Variants in CHRM3 observed in about 807,000 individuals in gnomAD.
CHRM3 encodes cholinergic receptor muscarinic 3.
A neutral mutation model predicts 41.8 loss-of-function variants in CHRM3; 11 were observed. That is an observed-to-expected ratio of 0.26 (90% CI 0.17 to 0.44). The LOEUF (loss-of-function observed/expected upper bound fraction) is 0.44, where lower values mean the gene tolerates loss of function less well. CHRM3 is among the 20% of genes least tolerant of loss of function. The probability of loss-of-function intolerance (pLI) is 1.00; values close to 1 mark genes in which losing one functional copy is unlikely to be tolerated. For missense variants in CHRM3, 571 were observed against 745.4 expected, an observed-to-expected ratio of 0.77 and a Z score of 2.72; for synonymous variants, 297 against 301.4, an observed-to-expected ratio of 0.99 and a Z score of 0.15.
chr1:239,692,928 A>G (rs1291599039), intron 5 of CHRM3, among the ~76,000 whole-genome samples: 1 of 152,170 alleles, frequency 6.6e-6, no homozygotes, highest in Non-Finnish European at 1.5e-5. Context: ...GCTTCAGTAC[A>G]TTCTGACCTT....
intron 5 of CHRM3, among the ~76,000 whole-genome samples, chr1:239,783,613 G>T (rs1265368112): frequency 3.9e-5 from 6 of 152,166 alleles, no homozygotes; most frequent in Admixed American, 2.6e-4. Context: ...GAAATGAACA[G>T]CTGAGAACTG....
At chr1:239,714,906 A>G (rs1331243166) in intron 5 of CHRM3, among the ~76,000 whole-genome samples, 1 of 152,138 alleles carries the variant, frequency 6.6e-6, no homozygotes, top group African/African-American at 2.4e-5. Flanking sequence ...ATGGCATTGC[A>G]TGGGATGAAG....
intron 1 of CHRM3, among the ~76,000 whole-genome samples, chr1:239,391,449 G>C (rs1659028500): frequency 6.6e-6 from 1 of 152,218 alleles, no homozygotes; most frequent in Non-Finnish European, 1.5e-5. Flanking sequence ...GCCTCTGTGT[G>C]TTGTTTTCTA....
chr1:239,637,826 A>G (rs1670651199), intron 4 of CHRM3, among the ~76,000 whole-genome samples: 1 of 149,804 alleles, frequency 6.7e-6, no homozygotes, highest in Non-Finnish European at 1.5e-5. Flanking sequence ...GGTTAGTTAC[A>G]TATGTATACA....
intron 4 of CHRM3, among the ~76,000 whole-genome samples, chr1:239,638,621 T>C (rs1670750041): frequency 6.6e-6 from 1 of 152,220 alleles, no homozygotes; most frequent in Non-Finnish European, 1.5e-5. Context: ...TTTGGTTTTT[T>C]CTTGTAAATT....
chr1:239,480,344 T>A lies in CHRM3; in HGVS notation c.-520-12365T>A, dbSNP rs899233916. 2.4e-4 allele frequency among the ~76,000 whole-genome samples: 36 copies of A among 152,274 alleles called. 1 individual carries two copies. The highest frequency in any genetic ancestry group is 4.0e-4 in the Non-Finnish European group (27 of 68,024). On this transcript the variant is annotated intron_variant, in intron 1 of 6. Transcript: ENST00000676153. ...TGTGAAATACACATATGTGTTTATT[T>A]ATCTATCTTTTAAGCCCTGTGCAAA... is the stretch of plus-strand genomic sequence containing the variant.
At chr1:239,891,010 T>C (rs1678507293) in intron 6 of CHRM3, among the ~76,000 whole-genome samples, 1 of 152,162 alleles carries the variant, frequency 6.6e-6, no homozygotes, top group South Asian at 2.1e-4. Flanking sequence ...CCTTACAGGA[T>C]GAAGTCATCT....
intron 1 of CHRM3, chr1:239,408,144 G>C (rs1456159327): frequency 6.6e-6 from 1 of 151,982 alleles, no homozygotes. Flanking sequence ...GAGTTCTCAC[G>C]AGATCTGATG....
At chr1:239,488,709 CT>C (rs1667349533) in intron 1 of CHRM3, among the ~76,000 whole-genome samples, 1 of 82,934 alleles carries the variant, frequency 1.2e-5, no homozygotes, top group Admixed American at 2.1e-4. Context: ...AGCGAGACTC[CT>C]TCTCAAAAAA....
At chr1:239,886,741 T>G (rs1271797915) in intron 6 of CHRM3, 1 of 152,196 alleles carries the variant, frequency 6.6e-6, no homozygotes. Flanking sequence ...GGAACTGTGG[T>G]AGACACCTGC....
chr1:239,888,931 C>A (rs554059062), intron 6 of CHRM3, among the ~76,000 whole-genome samples: 1 of 152,272 alleles, frequency 6.6e-6, no homozygotes, highest in East Asian at 1.9e-4. Flanking sequence ...CGGAGGACAA[C>A]CAAGTACGTT....
rs565419113 is a variant in CHRM3 at position 239,494,232 on chromosome 1, G to A, written c.-422+1425G>A. ...TTGTAAACTGCCATGATGCTAGTGG[G>A]AATGTTTTATGCTAAAGAGCAATGA... On this transcript the variant is annotated intron_variant, in intron 2 of 6. Coordinates refer to ENST00000676153, the MANE Select transcript of CHRM3 (RefSeq NM_001375978.1). 2.1e-4 allele frequency among the ~76,000 whole-genome samples: 32 copies of A among 152,192 alleles called. No homozygotes were observed. The South Asian group carries it at 6.2e-3, about 30-fold the overall frequency.
chr1:239,812,104 A>G (rs963249568), intron 5 of CHRM3, among the ~76,000 whole-genome samples: 1 of 152,190 alleles, frequency 6.6e-6, no homozygotes, highest in African/African-American at 2.4e-5. Flanking sequence ...CAGTTGCACT[A>G]TCTCAGCTCA....
intron 2 of CHRM3, among the ~76,000 whole-genome samples, chr1:239,522,956 G>C (rs754186893): frequency 8.6e-5 from 13 of 152,014 alleles, no homozygotes; most frequent in Non-Finnish European, 1.9e-4. Context: ...TGAGCCCAGG[G>C]AGACTCTGCT....
chr1:239,513,928 GATCAGTT>G (rs1669090016), intron 2 of CHRM3, among the ~76,000 whole-genome samples: 3 of 152,080 alleles, frequency 2.0e-5, no homozygotes, highest in Non-Finnish European at 4.4e-5. Context: ...CTTTGTCAAA[GATCAGTT>G]GCTATACTTA....
rs1023115326 is a variant in CHRM3, at chr1:239,791,948, T to G, written c.-146-35304T>G. Among the ~76,000 whole-genome samples, 14 of 152,236 alleles carry G rather than the reference T, an allele frequency of 9.2e-5. 1 individual carries two copies. Among genetic ancestry groups the G allele is most frequent in the Admixed American group, 4.6e-4 (7 of 15,290 alleles). On this transcript the variant is annotated intron_variant, in intron 5 of 6. Coordinates refer to ENST00000676153, the MANE Select transcript of CHRM3 (RefSeq NM_001375978.1). ...TGTCTGTAAATATACGTATTCAGTC[T>G]TATCAATCCTGCTTCAAATACTGGT...
At position 239,915,295 on chromosome 1, in the gene CHRM3, T is replaced by G. The variant is rs1680585765; in HGVS notation, c.*6071T>G. On this transcript the variant is annotated 3_prime_UTR_variant, in exon 7 of 7. Coordinates refer to ENST00000676153, the MANE Select transcript of CHRM3 (RefSeq NM_001375978.1). The stretch of plus-strand genomic sequence containing the variant: ...TACCTCGTGGCCAGCACTTCCTCAG[T>G]AGGCATTTCAGGTGTGTCACAAACC... 1 of 167,118 alleles carries G rather than the reference T, an allele frequency of 6.0e-6. No individual in the cohort carries two copies. Among genetic ancestry groups the G allele is most frequent in the African/African-American group, 2.4e-5 (1 of 41,466 alleles). 10.4% of individuals were successfully genotyped at this position (167,118 alleles called of 1,614,324 possible).
At chr1:239,414,165 G>A (rs771237279) in intron 1 of CHRM3, among the ~76,000 whole-genome samples, 1 of 152,152 alleles carries the variant, frequency 6.6e-6, no homozygotes, top group Non-Finnish European at 1.5e-5. Flanking sequence ...TTGGGGCTCT[G>A]GCGTGCCTTG....
chr1:239,436,385 C>T (rs1203368468), intron 1 of CHRM3, among the ~76,000 whole-genome samples: 2 of 152,120 alleles, frequency 1.3e-5, no homozygotes, highest in African/African-American at 4.8e-5. Flanking sequence ...ATGCTGTTCT[C>T]CTCACAGTGG....
Sources: gnomAD v4.1 joint callset for allele counts (sites outside exome capture counted in the v4.1 genomes callset) on GRCh38, gnomAD v4.1.1 for gene constraint, MANE v1.5 for transcripts, NCBI Gene and HGNC (gene_info 2026-07-23, HGNC 2026-07-21) for gene names.